The following EMID1 variants were observed in gnomAD, a reference collection of about 807,000 sequenced individuals.
The protein encoded by EMID1 is EMI domain containing 1, also known as EMI domain-containing protein 1.
A neutral mutation model predicts 60.6 loss-of-function variants in EMID1; 40 were observed. The ratio of observed to expected loss-of-function variants is 0.66; its 90% CI spans 0.51 to 0.86. The LOEUF is 0.86. Among genes scored for constraint, EMID1 ranks in the 40% least tolerant of loss-of-function variants. The pLI is 0.00. For synonymous variants in EMID1, 242 were observed against 231.0 expected, an observed-to-expected ratio of 1.05 and a Z score of -0.43; for missense variants, 585 against 597.1, an observed-to-expected ratio of 0.98 and a Z score of 0.21.
At chr22:29,221,347 G>A (rs1015563547) in intron 3 of EMID1, among the ~76,000 whole-genome samples, 3 of 152,048 alleles carry the variant, frequency 2.0e-5, no homozygotes, top group Non-Finnish European at 4.4e-5. Context: ...CAATGGGAGG[G>A]ATATGACATT....
rs374796546 is a variant in EMID1 at position 29,234,371 on chromosome 22, G to A, written c.1074+22G>A. The A allele has an allele frequency of 3.1e-5, 50 of 1,611,176 alleles. 1 individual carries two copies. The African/African-American group carries it at 4.1e-4, about 13-fold the overall frequency. ...GCGGGTAAGTGTTGCTGTCTGTCCC[G>A]CATTCATCCCTGCAGGATCCCTTAG... On this transcript the variant is annotated intron_variant, in intron 12 of 14. Transcript: ENST00000334018.
rs138894145 is a variant in EMID1, at chr22:29,258,839, G to A, written c.1227G>A (p.Ala409=). The change falls in exon 15 of 15, where the codon GCG becomes GCA. Residue 409 remains alanine (A), a synonymous_variant. Transcript: ENST00000334018. The part of the protein sequence containing the change: ...GLYEPELGSG[A]GPAGTGTPSL... ...CAGAACCAGAGCTGGGGTCTGGGGC[G>A]GGCCCTGCCGGCACAGGCACCCCCA... 25 of 1,613,122 alleles carry A rather than the reference G, an allele frequency of 1.5e-5. No individual in the cohort carries two copies. The Admixed American group carries it at 2.2e-4, about 14-fold the overall frequency.
rs943103737 is a variant in EMID1 at position 29,251,498 on chromosome 22, G to GC, written c.1120-2698dup. Among the ~76,000 whole-genome samples the GC allele has an allele frequency of 1.7e-4, 26 of 150,490 alleles. No individual in the cohort carries two copies. In the East Asian group the frequency reaches 3.4e-3, roughly 20 times the overall value. ...ATTACAGGTGTGAGCCACCATGCCA[G>GC]CCCCCCCGGCGTTTTTTGAGACATG... On this transcript the variant is annotated intron_variant, in intron 13 of 14. Coordinates refer to ENST00000334018, the MANE Select transcript of EMID1 (RefSeq NM_133455.4).
intron 13 of EMID1, among the ~76,000 whole-genome samples, chr22:29,248,639 T>C (rs1296052666): frequency 1.3e-5 from 2 of 151,644 alleles, no homozygotes; most frequent in African/African-American, 4.8e-5. Context: ...AGCCCAGGAG[T>C]TCCAGACTAA....
rs766584625 is a variant in EMID1, at chr22:29,243,446, G to A, written c.1076G>A (p.Gly359Glu). Residue 359 changes from glycine to glutamate, a missense_variant and splice_region_variant, in exon 13 of 15, where the codon GGG becomes GAG. Coordinates refer to ENST00000334018, the MANE Select transcript of EMID1 (RefSeq NM_133455.4). ...PGPQGSAGQR[G>E]EPGPKGDPGE... Reference sequence around the variant, plus strand: ...TGCTATCTCTGTCTCTCCTTGCAGGGGGAACCTGGCCCTAAGGGAGACCCT... The same window carrying A: ...TGCTATCTCTGTCTCTCCTTGCAGGAGGAACCTGGCCCTAAGGGAGACCCT... 10 of 1,614,024 alleles carry A rather than the reference G, an allele frequency of 6.2e-6. No individual in the cohort carries two copies. In the South Asian group the frequency reaches 1.1e-4, roughly 18 times the overall value.
chr22:29,250,636 G>A (rs1433041300), intron 13 of EMID1, among the ~76,000 whole-genome samples: 1 of 149,258 alleles, frequency 6.7e-6, no homozygotes, highest in East Asian at 2.0e-4. Flanking sequence ...GCATGAACTC[G>A]GCTCACTGCA....
At chr22:29,226,920 C>T (rs909911538) in intron 5 of EMID1, among the ~76,000 whole-genome samples, 1 of 152,280 alleles carries the variant, frequency 6.6e-6, no homozygotes, top group East Asian at 1.9e-4. Context: ...ACCATCCCCA[C>T]CAGATCAGCA....
chr22:29,220,415 C>T (rs1020705517), intron 3 of EMID1, among the ~76,000 whole-genome samples: 36 of 152,182 alleles, frequency 2.4e-4, no homozygotes, highest in Admixed American at 2.1e-3. Context: ...TTTTGGAGCT[C>T]CCAGCCCCAG....
intron 6 of EMID1, 33 bp from the exon 7 acceptor site, chr22:29,231,560 G>A: frequency 6.5e-7 from 1 of 1,546,900 alleles, no homozygotes; most frequent in Non-Finnish European, 8.7e-7. Context: ...GAGCAGATGT[G>A]GAGCTGCCAG....
intron 3 of EMID1, among the ~76,000 whole-genome samples, chr22:29,218,667 G>C (rs1291790611): frequency 6.6e-6 from 1 of 152,210 alleles, no homozygotes; most frequent in Non-Finnish European, 1.5e-5. Flanking sequence ...TGGGCGCAAT[G>C]CCAGGGCCAT....
chr22:29,248,813 C>T (rs895704418), intron 13 of EMID1, among the ~76,000 whole-genome samples: 2 of 98,352 alleles, frequency 2.0e-5, no homozygotes, highest in Non-Finnish European at 4.8e-5. Context: ...TGCACTCCAA[C>T]CTGGGCGACA....
Position 29,234,200 on chromosome 22 carries a change from G to T in EMID1, c.1029+1G>T. ...CCACCCAGGAGAGAAGGGCGAGAGA[G>T]TGAGTACCCAGGTGGCCCCAGGTGG... is the stretch of plus-strand genomic sequence containing the variant. On this transcript the variant is annotated splice_donor_variant, in intron 11 of 14. Coordinates refer to ENST00000334018, the MANE Select transcript of EMID1 (RefSeq NM_133455.4). LOFTEE classifies it high-confidence loss of function. 6.2e-7 allele frequency: 1 copy of T among 1,606,690 alleles called. No individual in the cohort carries two copies. Among genetic ancestry groups the T allele is most frequent in the Non-Finnish European group, 8.5e-7 (1 of 1,176,338 alleles).
At chr22:29,211,121 G>A (rs1452554364) in intron 1 of EMID1, among the ~76,000 whole-genome samples, 1 of 152,190 alleles carries the variant, frequency 6.6e-6, no homozygotes. Flanking sequence ...GTCAGTGTGT[G>A]TGCAAGTGTG....
intron 13 of EMID1, among the ~76,000 whole-genome samples, chr22:29,244,644 A>C (rs937624128): frequency 1.3e-5 from 2 of 150,788 alleles, no homozygotes; most frequent in Non-Finnish European, 3.0e-5. Context: ...GTCTCAAAAA[A>C]AAAAAAAGAA....
intron 12 of EMID1, among the ~76,000 whole-genome samples, chr22:29,235,198 AT>A (rs1368044965): frequency 1.3e-5 from 2 of 152,024 alleles, no homozygotes; most frequent in African/African-American, 4.8e-5. Context: ...ATATACAAAA[AT>A]TAGCCAGGCA....
Position 29,254,225 on chromosome 22 carries a change from G to C in EMID1, c.1142G>C (p.Arg381Pro). The change falls in exon 14 of 15, where the codon CGC (arginine) becomes CCC (proline). Residue 381 changes from arginine to proline, a missense_variant. Transcript: ENST00000334018. ...SHWGEGLHQL[R>P]EALKILAERV... Reference sequence around the variant, plus strand: ...CAGGGGGAGGGGTTGCACCAGCTACGCGAGGCTTTGAAGATTTTAGCTGAG... The same window carrying C: ...CAGGGGGAGGGGTTGCACCAGCTACCCGAGGCTTTGAAGATTTTAGCTGAG... The C allele has an allele frequency of 6.2e-7, 1 of 1,614,194 alleles. No homozygotes were observed. Among genetic ancestry groups the C allele is most frequent in the Non-Finnish European group, 8.5e-7 (1 of 1,180,016 alleles).
intron 3 of EMID1, among the ~76,000 whole-genome samples, 194 bp from the exon 4 acceptor site, chr22:29,224,939 C>T (rs1421822696): frequency 6.6e-6 from 1 of 152,214 alleles, no homozygotes; most frequent in Non-Finnish European, 1.5e-5. Context: ...TCTTTCCAGC[C>T]CTATCAGGTG....
At chr22:29,250,311 G>T (rs1467390416) in intron 13 of EMID1, among the ~76,000 whole-genome samples, 2 of 152,174 alleles carry the variant, frequency 1.3e-5, no homozygotes, top group Non-Finnish European at 2.9e-5. Context: ...CACTGCGTTT[G>T]GTTGTCACAT....
intron 12 of EMID1, among the ~76,000 whole-genome samples, chr22:29,237,740 G>T (rs2041006383): frequency 7.0e-6 from 1 of 143,882 alleles, no homozygotes; most frequent in South Asian, 2.3e-4. Flanking sequence ...GATGGAGCTT[G>T]CAGTGAGTGG....
Sources: gnomAD v4.1 joint callset for allele counts (sites outside exome capture counted in the v4.1 genomes callset) on GRCh38, gnomAD v4.1.1 for gene constraint, MANE v1.5 for transcripts, NCBI Gene and HGNC (gene_info 2026-07-23, HGNC 2026-07-21) for gene names.